Variants in LYSMD4 observed in about 807,000 individuals in gnomAD.
The protein encoded by LYSMD4 is LysM domain containing 4.
LYSMD4 carries 9 observed loss-of-function variants against 6.1 expected under a neutral mutation model. The observed-to-expected ratio is 1.47, with a 90% CI of 0.88 to 2.56. The LOEUF (loss-of-function observed/expected upper bound fraction) is 2.56, where lower values mean the gene tolerates loss of function less well. Ranked by LOEUF, LYSMD4 falls within the 30% of genes most tolerant of loss-of-function variation. The pLI is 0.00. For missense variants in LYSMD4, 384 were observed against 373.5 expected (o/e 1.03, Z -0.23); for synonymous variants, 143 against 148.5 (o/e 0.96, Z 0.27).
chr15:99,723,646 C>CT (rs1183492194), downstream of LYSMD4, among the ~76,000 whole-genome samples: 1 of 152,228 alleles, frequency 6.6e-6, no homozygotes, highest in Non-Finnish European at 1.5e-5. Flanking sequence ...CCTGTGGGGC[C>CT]TGGTGTGCTC....
Position 99,729,560 on chromosome 15 carries a change from C to A in LYSMD4, c.454G>T (p.Ala152Ser), listed in dbSNP as rs779952548. 6.2e-7 allele frequency: 1 copy of A among 1,614,152 alleles called. No homozygotes were observed. The highest frequency in any genetic ancestry group is 1.1e-5 in the South Asian group (1 of 91,070). ...CCGGTGCCCGCGCCTGCTCTGTCTG[C>A]CTCTGGCAGTTCCACGGTCACTGTG... ...ETTVTVELPE[A>S]DRAGAGTGAQ... Residue 152 changes from alanine (A) to serine (S), a missense_variant, in exon 3 of 3, where the codon GCA becomes TCA. Transcript: ENST00000684762.
chr15:99,732,675 C>T (rs573361732), intron 1 of LYSMD4, among the ~76,000 whole-genome samples: 4 of 152,370 alleles, frequency 2.6e-5, no homozygotes, highest in African/African-American at 7.2e-5. Context: ...CGCAAGACCC[C>T]TGTTCCTCTC....
chr15:99,724,192 A>C (rs2141100149), downstream of LYSMD4, among the ~76,000 whole-genome samples: 1 of 151,164 alleles, frequency 6.6e-6, no homozygotes, highest in South Asian at 2.1e-4. Context: ...GCCACTTGTC[A>C]TATATTTCCC....
chr15:99,724,353 C>G (rs2059261119), downstream of LYSMD4, among the ~76,000 whole-genome samples: 1 of 152,216 alleles, frequency 6.6e-6, no homozygotes, highest in Non-Finnish European at 1.5e-5. Flanking sequence ...CTCCACCTCC[C>G]AGGCTCAAGC....
downstream of LYSMD4, among the ~76,000 whole-genome samples, chr15:99,724,283 C>T (rs745844728): frequency 1.4e-5 from 2 of 144,082 alleles, no homozygotes; most frequent in Admixed American, 6.7e-5. Context: ...TCTCCTGAGA[C>T]AGGGTTTGGC....
intron 1 of LYSMD4, chr15:99,733,084 G>A (rs2059460531): frequency 5.6e-6 from 2 of 354,088 alleles, no homozygotes; most frequent in Middle Eastern, 7.3e-4. Flanking sequence ...GGAGCGGCCC[G>A]GCCCCAGGGC....
At chr15:99,720,419 G>A (rs916314047), upstream of LYSMD4, among the ~76,000 whole-genome samples, 17 of 152,114 alleles carry the variant, frequency 1.1e-4, no homozygotes, top group African/African-American at 3.9e-4. Flanking sequence ...CCAGGAATTC[G>A]AGACCAGCCG....
rs778116883 is a variant in LYSMD4, at chr15:99,727,624, CAGA to C, written c.*1496_*1498del. 3.3e-5 allele frequency: 5 copies of C among 152,156 alleles called. No individual in the cohort carries two copies. Among genetic ancestry groups the C allele is most frequent in the Non-Finnish European group, 7.3e-5 (5 of 68,038 alleles). 9.4% of individuals were successfully genotyped at this position (152,156 alleles called of 1,614,324 possible). Reference sequence around the variant, plus strand: ...CGAAACATTTCCTATTGCAGAGATTCAGAAGTTCTTTTTATCCTGAAGATCATT... The same window carrying C: ...CGAAACATTTCCTATTGCAGAGATTCAGTTCTTTTTATCCTGAAGATCATT... On this transcript the variant is annotated 3_prime_UTR_variant, in exon 3 of 3. Coordinates refer to ENST00000684762, the MANE Select transcript of LYSMD4 (RefSeq NM_001284417.2).
At position 99,729,067 on chromosome 15, in the gene LYSMD4, C is replaced by T; in HGVS notation, c.*56G>A. On this transcript the variant is annotated 3_prime_UTR_variant, in exon 3 of 3. Transcript: ENST00000684762. ...ACCCCTAGGACATCGCCAGTGACAG[C>T]TGAGGCACATCAACAGCCAATTGCT... The T allele has an allele frequency of 6.3e-7, 1 of 1,595,206 alleles. No individual in the cohort carries two copies. The highest frequency in any genetic ancestry group is 8.6e-7 in the Non-Finnish European group (1 of 1,168,122).
chr15:99,733,266 C>T (rs2059468285), intron 1 of LYSMD4, 79 bp downstream of exon 1: 1 of 385,046 alleles, frequency 2.6e-6, no homozygotes, highest in Non-Finnish European at 4.6e-6. Context: ...AACCCTCGAG[C>T]GAGGCCAGGT....
exon 1 of LYSMD4, chr15:99,716,708 T>C (rs1336237165): frequency 4.4e-6 from 2 of 456,598 alleles, no homozygotes; most frequent in Non-Finnish European, 8.8e-6. Flanking sequence ...TGGGCAGCCC[T>C]GGAGCCCATA....
upstream of LYSMD4, among the ~76,000 whole-genome samples, chr15:99,721,239 T>C (rs941295933): frequency 6.6e-6 from 1 of 152,178 alleles, no homozygotes; most frequent in African/African-American, 2.4e-5. Context: ...CCAGAAGATC[T>C]GTAGATGATG....
At chr15:99,716,496 ACT>A (rs1348366294) in exon 2 of LYSMD4, 3 of 456,658 alleles carry the variant, frequency 6.6e-6, no homozygotes, top group South Asian at 1.5e-5. Context: ...GTGCGTCGAG[ACT>A]CTGTCATGTT....
downstream of LYSMD4, among the ~76,000 whole-genome samples, chr15:99,722,956 GGGAGGC>G (rs2059248321): frequency 6.6e-6 from 1 of 152,094 alleles, no homozygotes; most frequent in South Asian, 2.1e-4. Flanking sequence ...GCTTGAGCCT[GGGAGGC>G]GGAGGTTGCA....
exon 1 of LYSMD4, chr15:99,716,848 G>A (rs71403457): frequency 0.03 from 10,797 of 362,382 alleles, 212 homozygotes; most frequent in Non-Finnish European, 0.04. Context: ...GCCTGTTAGA[G>A]GGGGTGGGTA....
chr15:99,726,973 T>C (rs1043435135), downstream of LYSMD4, among the ~76,000 whole-genome samples: 9 of 152,178 alleles, frequency 5.9e-5, no homozygotes, highest in African/African-American at 1.9e-4. Flanking sequence ...AAGCCCCAAG[T>C]TGGTGGCCAG....
At chr15:99,724,384 C>T (rs539246142), downstream of LYSMD4, among the ~76,000 whole-genome samples, 3 of 152,362 alleles carry the variant, frequency 2.0e-5, no homozygotes, top group South Asian at 4.1e-4. Flanking sequence ...CCTCAGCCTC[C>T]CAAGTAGCCG....
upstream of LYSMD4, among the ~76,000 whole-genome samples, chr15:99,722,020 CAG>C (rs1181502395): frequency 6.6e-6 from 1 of 152,060 alleles, no homozygotes; most frequent in Non-Finnish European, 1.5e-5. Context: ...GGAAGCTGGA[CAG>C]AGATTCCCCC....
At chr15:99,721,860 G>A (rs902116913), upstream of LYSMD4, among the ~76,000 whole-genome samples, 2 of 152,192 alleles carry the variant, frequency 1.3e-5, no homozygotes, top group African/African-American at 4.8e-5. Context: ...AATAAACCAG[G>A]TGAAACTGAT....
Sources: gnomAD v4.1 joint callset for allele counts (sites outside exome capture counted in the v4.1 genomes callset) on GRCh38, gnomAD v4.1.1 for gene constraint, MANE v1.5 for transcripts, NCBI Gene and HGNC (gene_info 2026-07-23, HGNC 2026-07-21) for gene names.